DCLK2: variants seen among roughly 807,000 people sequenced by gnomAD.
DCLK2 encodes serine/threonine-protein kinase DCLK2.
A neutral mutation model predicts 78.4 loss-of-function variants in DCLK2; 31 were observed. The observed-to-expected ratio is 0.40, with a 90% confidence interval of 0.30 to 0.53. DCLK2 has a LOEUF of 0.53. Among genes scored for constraint, DCLK2 ranks in the 20% least tolerant of loss-of-function variants. DCLK2 has a pLI of 0.61. For synonymous variants in DCLK2, 407 were observed against 374.9 expected (o/e 1.09, Z -0.99); for missense variants, 872 against 973.7 (o/e 0.90, Z 1.39).
At chr4:150,087,334 C>G (rs1729719079) in intron 1 of DCLK2, among the ~76,000 whole-genome samples, 1 of 152,168 alleles carries the variant, frequency 6.6e-6, no homozygotes, top group Non-Finnish European at 1.5e-5. Flanking sequence ...TTACTTGCAA[C>G]CAAAATGCAA....
At chr4:150,100,945 G>T (rs1394493835) in intron 1 of DCLK2, among the ~76,000 whole-genome samples, 1 of 152,052 alleles carries the variant, frequency 6.6e-6, no homozygotes, top group Non-Finnish European at 1.5e-5. Flanking sequence ...AGAAGACATT[G>T]CTTCTCTTTT....
intron 2 of DCLK2, among the ~76,000 whole-genome samples, chr4:150,190,812 T>A (rs1738394882): frequency 6.6e-6 from 1 of 151,992 alleles, no homozygotes; most frequent in African/African-American, 2.4e-5. Flanking sequence ...TACAGCTCAA[T>A]AAACGCTTTT....
intron 2 of DCLK2, among the ~76,000 whole-genome samples, chr4:150,179,226 C>T (rs1218205255): frequency 6.6e-6 from 1 of 152,076 alleles, no homozygotes; most frequent in East Asian, 1.9e-4. Context: ...GACAGGGTTT[C>T]ACCGTGTTAG....
chr4:150,238,776 G>T lies in DCLK2; in HGVS notation c.1567-966G>T, dbSNP rs989246864. Among the ~76,000 whole-genome samples the T allele has an allele frequency of 2.6e-5, 4 of 152,264 alleles. No individual in the cohort carries two copies. The South Asian group carries it at 8.3e-4, about 32-fold the overall frequency. On this transcript the variant is annotated intron_variant, in intron 10 of 15. Transcript: ENST00000296550. Reference sequence around the variant, plus strand: ...TCTCACTTCATAGATGAAGAAATGTGCTCAGAGAGGTTATGTGACTTCAGA... The same window carrying T: ...TCTCACTTCATAGATGAAGAAATGTTCTCAGAGAGGTTATGTGACTTCAGA...
At chr4:150,152,773 T>A (rs973430318) in intron 2 of DCLK2, among the ~76,000 whole-genome samples, 1 of 152,334 alleles carries the variant, frequency 6.6e-6, no homozygotes, top group African/African-American at 2.4e-5. Flanking sequence ...ATAATTTTTT[T>A]AAAATCCTAC....
chr4:150,253,718 TG>T (rs1434336482), intron 15 of DCLK2: 30 of 985,332 alleles, frequency 3.0e-5, no homozygotes, highest in Non-Finnish European at 3.5e-5. Context: ...AGCAGGCCCC[TG>T]GAAAACTTTA....
At chr4:150,226,423 G>T in intron 8 of DCLK2, among the ~76,000 whole-genome samples, 1 of 151,464 alleles carries the variant, frequency 6.6e-6, no homozygotes, top group Non-Finnish European at 1.5e-5. Context: ...TACATGTAAG[G>T]GTTCTGCTTT....
chr4:150,198,318 G>A (rs534601393), intron 4 of DCLK2, among the ~76,000 whole-genome samples: 3 of 152,226 alleles, frequency 2.0e-5, no homozygotes, highest in African/African-American at 4.8e-5. Flanking sequence ...GTTCTGACAC[G>A]TTTTCTTGGG....
At chr4:150,197,180 A>G (rs916210589) in intron 3 of DCLK2, among the ~76,000 whole-genome samples, 1 of 152,140 alleles carries the variant, frequency 6.6e-6, no homozygotes, top group Non-Finnish European at 1.5e-5. Flanking sequence ...GAGAGAGAGA[A>G]AAAGCTATTT....
chr4:150,220,551 A>AT, intron 5 of DCLK2, 152 bp from the exon 6 acceptor site: 1 of 613,836 alleles, frequency 1.6e-6, no homozygotes, highest in Admixed American at 2.8e-5. Flanking sequence ...TGTGATGTGC[A>AT]TAAGGAGAGA....
In DCLK2 at chr4:150,256,167, C is replaced by G. The variant is rs1387140628; in HGVS notation, c.2221C>G (p.Pro741Ala). The stretch of plus-strand genomic sequence containing the variant: ...GGAAGCAGTCCCGGCCCCCACCCCT[C>G]CGGAATCTCCCACCCCCCACCCTCC... Reference protein sequence around the residue: ...PGEAVPAPTPPESPTPHPPPA... With the variant: ...PGEAVPAPTPAESPTPHPPPA... The change falls in exon 16 of 16, where the codon CCG (proline) becomes GCG (alanine). Residue 741 changes from proline (P) to alanine (A), a missense_variant. By Grantham distance (27) the Pro-to-Ala change is conservative (BLOSUM62 -1). Transcript: ENST00000296550. 7 of 1,563,110 alleles carry G rather than the reference C, an allele frequency of 4.5e-6. No homozygotes were observed. The highest frequency in any genetic ancestry group is 1.7e-6 in the Non-Finnish European group (2 of 1,154,520).
intron 1 of DCLK2, among the ~76,000 whole-genome samples, chr4:150,096,700 T>C (rs1730490927): frequency 6.6e-6 from 1 of 152,126 alleles, no homozygotes; most frequent in Admixed American, 6.6e-5. Context: ...TGAGTGAAAT[T>C]AGACAGAAAA....
At position 150,205,784 on chromosome 4, in the gene DCLK2, G is replaced by A. The variant is rs1002709709; in HGVS notation, c.1056+1895G>A. ...TGTTTCAAAATTTGTTAACGCAAAA[G>A]CGAGTGGCTCCTAGAGCTGGTTAAT... On this transcript the variant is annotated intron_variant, in intron 5 of 15. Coordinates refer to ENST00000296550, the MANE Select transcript of DCLK2 (RefSeq NM_001040260.4). 9.2e-5 allele frequency among the ~76,000 whole-genome samples: 14 copies of A among 152,332 alleles called. No individual in the cohort carries two copies. The South Asian group carries it at 2.5e-3, about 27-fold the overall frequency.
chr4:150,130,450 C>G (rs1196839430), intron 2 of DCLK2, among the ~76,000 whole-genome samples: 1 of 152,032 alleles, frequency 6.6e-6, no homozygotes, highest in Non-Finnish European at 1.5e-5. Context: ...CCCGTACCCA[C>G]ACATGTACAC....
intron 2 of DCLK2, among the ~76,000 whole-genome samples, chr4:150,115,766 C>T (rs1298708578): frequency 6.6e-6 from 1 of 152,050 alleles, no homozygotes; most frequent in Admixed American, 6.6e-5. Flanking sequence ...AGTGGTGTAC[C>T]GTTTTTAATT....
chr4:150,083,977 A>G (rs1729480499), intron 1 of DCLK2, among the ~76,000 whole-genome samples: 2 of 152,218 alleles, frequency 1.3e-5, no homozygotes, highest in Non-Finnish European at 2.9e-5. Context: ...AAACATACAA[A>G]CAAGATGGCT....
intron 7 of DCLK2, among the ~76,000 whole-genome samples, chr4:150,223,459 A>C (rs1741348907): frequency 6.6e-6 from 1 of 152,208 alleles, no homozygotes; most frequent in Non-Finnish European, 1.5e-5. Flanking sequence ...AAAATTAAAT[A>C]ATGGCTGGAC....
At chr4:150,090,279 G>A (rs113290873) in intron 1 of DCLK2, among the ~76,000 whole-genome samples, 15 of 152,302 alleles carry the variant, frequency 9.8e-5, no homozygotes, top group African/African-American at 3.4e-4. Flanking sequence ...GGTGGCGCAC[G>A]ACTGTAATCC....
At chr4:150,191,339 C>T (rs1025280044) in intron 2 of DCLK2, among the ~76,000 whole-genome samples, 24 of 151,668 alleles carry the variant, frequency 1.6e-4, no homozygotes, top group African/African-American at 4.4e-4. Flanking sequence ...GACAGTATAC[C>T]GATACCCTTG....
Sources: gnomAD v4.1 joint callset for allele counts (sites outside exome capture counted in the v4.1 genomes callset) on GRCh38, gnomAD v4.1.1 for gene constraint, MANE v1.5 for transcripts, NCBI Gene and HGNC (gene_info 2026-07-23, HGNC 2026-07-21) for gene names.